CSMD3: variants seen among roughly 807,000 people sequenced by gnomAD.
CSMD3 encodes CUB and sushi domain-containing protein 3.
CSMD3 carries 177 observed loss-of-function variants against 435.2 expected under a neutral mutation model. That is an observed-to-expected ratio of 0.41 (90% confidence interval 0.36 to 0.46). The LOEUF is 0.46. Among genes scored for constraint, CSMD3 ranks in the 20% least tolerant of loss-of-function variants. The probability of loss-of-function intolerance (pLI) is 0.34; values close to 1 mark genes in which losing one functional copy is unlikely to be tolerated. For synonymous variants in CSMD3, 1,656 were observed against 1,520.5 expected (o/e 1.09, Z -2.07); for missense variants, 4,265 against 4,504.6 (o/e 0.95, Z 1.52).
intron 4 of CSMD3, among the ~76,000 whole-genome samples, chr8:113,168,332 C>T (rs2092194412): frequency 6.6e-6 from 1 of 151,756 alleles, no homozygotes. Context: ...CAAGACCTGG[C>T]CAACATGGTC....
At chr8:112,676,152 A>T (rs2075765400) in intron 16 of CSMD3, among the ~76,000 whole-genome samples, 1 of 152,150 alleles carries the variant, frequency 6.6e-6, no homozygotes, top group African/African-American at 2.4e-5. Context: ...CCTATTAAAC[A>T]CTTAAGTGCA....
chr8:113,211,438 C>A (rs1331095570), intron 3 of CSMD3, among the ~76,000 whole-genome samples: 3 of 152,082 alleles, frequency 2.0e-5, no homozygotes, highest in Non-Finnish European at 4.4e-5. Context: ...TGTAAATGAA[C>A]AAGCTATATA....
intron 12 of CSMD3, among the ~76,000 whole-genome samples, chr8:112,813,862 C>T (rs528866775): frequency 3.3e-5 from 5 of 152,172 alleles, no homozygotes; most frequent in Non-Finnish European, 2.9e-5. Context: ...TGTGGTTCTT[C>T]ACCTGACCAA....
chr8:113,072,136 T>G (rs76417799), intron 5 of CSMD3, among the ~76,000 whole-genome samples: 348 of 151,958 alleles, frequency 2.3e-3, no homozygotes, highest in African/African-American at 8.0e-3. Context: ...TGTAACTAAT[T>G]TTTGCATGTT....
At chr8:112,567,115 T>C (rs754466965) in intron 24 of CSMD3, among the ~76,000 whole-genome samples, 23 of 152,148 alleles carry the variant, frequency 1.5e-4, no homozygotes, top group African/African-American at 4.6e-4. Flanking sequence ...TTTCCAACTT[T>C]ATCACTCATT....
intron 3 of CSMD3, among the ~76,000 whole-genome samples, chr8:113,251,977 C>T (rs1362197373): frequency 1.3e-5 from 2 of 151,984 alleles, no homozygotes; most frequent in African/African-American, 4.8e-5. Context: ...GATGTCTAAC[C>T]AGCACCTATT....
At chr8:113,105,588 A>C (rs544050561) in intron 4 of CSMD3, among the ~76,000 whole-genome samples, 1 of 152,290 alleles carries the variant, frequency 6.6e-6, no homozygotes, top group South Asian at 2.1e-4. Context: ...CCAACAAAGC[A>C]CACAGGGCTG....
chr8:112,265,633 G>A (rs771290237), intron 59 of CSMD3, 43 bp from the exon 60 acceptor site: 1 of 1,374,098 alleles, frequency 7.3e-7, no homozygotes, highest in Non-Finnish European at 1.0e-6. Context: ...AATGAGGCAT[G>A]TATTTAATGG....
intron 9 of CSMD3, among the ~76,000 whole-genome samples, chr8:112,927,046 A>C (rs1329084359): frequency 6.6e-6 from 1 of 152,166 alleles, no homozygotes; most frequent in Non-Finnish European, 1.5e-5. Flanking sequence ...TCAAAACACT[A>C]AACGTCAAGA....
chr8:112,638,156 T>C (rs966840308), intron 21 of CSMD3, among the ~76,000 whole-genome samples: 2 of 148,812 alleles, frequency 1.3e-5, no homozygotes, highest in African/African-American at 4.9e-5. Flanking sequence ...AGATTATAGA[T>C]TATCTAATTC....
chr8:113,286,662 G>A (rs1265563734), intron 2 of CSMD3, among the ~76,000 whole-genome samples: 3 of 151,290 alleles, frequency 2.0e-5, no homozygotes, highest in Non-Finnish European at 2.9e-5. Flanking sequence ...TTTTTTCTGG[G>A]AGAGTTGAGA....
chr8:113,329,925 T>G (rs2094014512), intron 1 of CSMD3, among the ~76,000 whole-genome samples: 1 of 152,052 alleles, frequency 6.6e-6, no homozygotes, highest in South Asian at 2.1e-4. Context: ...CTGAACTGTC[T>G]TACAAGAAAA....
chr8:112,545,711 C>G (rs1329220320), intron 27 of CSMD3, among the ~76,000 whole-genome samples: 1 of 151,866 alleles, frequency 6.6e-6, no homozygotes, highest in Non-Finnish European at 1.5e-5. Flanking sequence ...ACTTTTGCAC[C>G]AACCTAATAG....
chr8:113,376,972 G>T (rs1321881793), intron 1 of CSMD3: 1 of 1,504,888 alleles, frequency 6.6e-7, no homozygotes, highest in African/African-American at 1.4e-5. Context: ...AAAGGTGTGT[G>T]CGCTGCGCAT....
chr8:113,016,476 C>T (rs141396494), intron 6 of CSMD3, among the ~76,000 whole-genome samples: 1 of 151,778 alleles, frequency 6.6e-6, no homozygotes, highest in East Asian at 1.9e-4. Flanking sequence ...TTCAATGAAC[C>T]CACTAGTAGT....
intron 6 of CSMD3, among the ~76,000 whole-genome samples, chr8:113,010,144 G>A (rs2086203823): frequency 6.6e-6 from 1 of 151,494 alleles, no homozygotes; most frequent in South Asian, 2.1e-4. Context: ...GTACAAGGTG[G>A]ACCGCCCACC....
chr8:113,036,511 C>T (rs1388866370), intron 5 of CSMD3, among the ~76,000 whole-genome samples: 1 of 151,918 alleles, frequency 6.6e-6, no homozygotes, highest in East Asian at 1.9e-4. Context: ...CCAAATACCA[C>T]ATATAATTAC....
At chr8:112,707,681 T>G (rs963440747) in intron 13 of CSMD3, among the ~76,000 whole-genome samples, 1 of 152,120 alleles carries the variant, frequency 6.6e-6, no homozygotes, top group African/African-American at 2.4e-5. Context: ...TGTCTATCTT[T>G]CACGCTCCTG....
intron 27 of CSMD3, among the ~76,000 whole-genome samples, chr8:112,538,663 A>G (rs1826364896): frequency 6.6e-6 from 1 of 152,160 alleles, no homozygotes; most frequent in South Asian, 2.1e-4. Flanking sequence ...TCTCTCTACA[A>G]TGAAATTTAT....
Sources: gnomAD v4.1 joint callset for allele counts (sites outside exome capture counted in the v4.1 genomes callset) on GRCh38, gnomAD v4.1.1 for gene constraint, MANE v1.5 for transcripts, NCBI Gene and HGNC (gene_info 2026-07-23, HGNC 2026-07-21) for gene names.